The following GRID1 variants were observed in gnomAD, a reference collection of about 807,000 sequenced individuals.
The protein encoded by GRID1 is glutamate ionotropic receptor delta type subunit 1, also known as glutamate receptor ionotropic, delta-1.
Under a neutral mutation model 98.0 loss-of-function variants are expected in GRID1, and 28 were observed. That is an observed-to-expected ratio of 0.29 (90% confidence interval 0.21 to 0.39). The LOEUF is 0.39. GRID1 is among the 10% of genes least tolerant of loss of function. The pLI is 1.00. For missense variants in GRID1, 1,111 were observed against 1,340.5 expected, an observed-to-expected ratio of 0.83 and a Z score of 2.67; for synonymous variants, 553 against 538.5, an observed-to-expected ratio of 1.03 and a Z score of -0.37.
intron 3 of GRID1, among the ~76,000 whole-genome samples, chr10:86,143,695 A>G (rs991652356): frequency 6.6e-6 from 1 of 152,224 alleles, no homozygotes; most frequent in Admixed American, 6.5e-5. Flanking sequence ...AACCTGATCC[A>G]GAAAGGGCAT....
chr10:86,202,183 C>A (rs1845963217), intron 3 of GRID1, among the ~76,000 whole-genome samples: 1 of 152,260 alleles, frequency 6.6e-6, no homozygotes, highest in Non-Finnish European at 1.5e-5. Context: ...CCTGGAGATG[C>A]CCCTGGGCCC....
intron 8 of GRID1, among the ~76,000 whole-genome samples, chr10:85,795,943 A>G (rs1842522700): frequency 6.6e-6 from 1 of 152,212 alleles, no homozygotes; most frequent in Non-Finnish European, 1.5e-5. Flanking sequence ...AAGAGACAGA[A>G]AAAATGACAA....
intron 2 of GRID1, among the ~76,000 whole-genome samples, chr10:86,293,876 C>T (rs1847550847): frequency 6.6e-6 from 1 of 152,176 alleles, no homozygotes; most frequent in African/African-American, 2.4e-5. Flanking sequence ...TGTCTGTATT[C>T]TTGGAGCTAA....
chr10:85,726,515 C>A (rs1370708892), intron 10 of GRID1, among the ~76,000 whole-genome samples: 2 of 151,836 alleles, frequency 1.3e-5, no homozygotes, highest in Non-Finnish European at 2.9e-5. Context: ...TAGGATGCAA[C>A]AAAAAAATTA....
rs1330977946 is a variant in GRID1, at chr10:85,859,861, AC to A, written c.952-3672del. Among the ~76,000 whole-genome samples the A allele has an allele frequency of 7.9e-5, 12 of 152,140 alleles. No individual in the cohort carries two copies. In the East Asian group the frequency reaches 2.3e-3, roughly 29 times the overall value. On this transcript the variant is annotated intron_variant, in intron 6 of 15. Coordinates refer to ENST00000327946, the MANE Select transcript of GRID1 (RefSeq NM_017551.3). Reference sequence around the variant, plus strand: ...GGGTAGGAAAGGCCCTAACCTCACAACCTATTCAGAGAAGGGATTCTTGGAT... The same window carrying A: ...GGGTAGGAAAGGCCCTAACCTCACAACTATTCAGAGAAGGGATTCTTGGAT...
At chr10:85,862,830 A>C (rs1205469366) in intron 6 of GRID1, among the ~76,000 whole-genome samples, 2 of 152,204 alleles carry the variant, frequency 1.3e-5, no homozygotes, top group Non-Finnish European at 2.9e-5. Context: ...CACCAGTGAG[A>C]CTTTAAATTG....
chr10:86,179,405 G>A (rs1395914805), intron 3 of GRID1, among the ~76,000 whole-genome samples: 1 of 152,166 alleles, frequency 6.6e-6, no homozygotes, highest in Non-Finnish European at 1.5e-5. Context: ...GTGCCAGGCA[G>A]CTTCACTGAG....
rs1342586907 is a variant in GRID1, at chr10:86,126,882, G to A, written c.726+11937C>T. Among the ~76,000 whole-genome samples, 7 of 152,216 alleles carry A rather than the reference G, an allele frequency of 4.6e-5. No homozygotes were observed. The East Asian group carries it at 1.3e-3, about 29-fold the overall frequency. Reference sequence around the variant, plus strand: ...GGTGCCTGCAGCTGCAATACTCTCAGTTCTTACAGCCCACCTGCTGTCTGC... The same window carrying A: ...GGTGCCTGCAGCTGCAATACTCTCAATTCTTACAGCCCACCTGCTGTCTGC... On this transcript the variant is annotated intron_variant, in intron 4 of 15. Coordinates refer to ENST00000327946, the MANE Select transcript of GRID1 (RefSeq NM_017551.3).
At chr10:85,716,577 TAAAAA>T (rs992423372) in intron 12 of GRID1, among the ~76,000 whole-genome samples, 1 of 148,876 alleles carries the variant, frequency 6.7e-6, no homozygotes, top group Non-Finnish European at 1.5e-5. Context: ...TAAAATAAAA[TAAAAA>T]AGAAAATGTG....
intron 4 of GRID1, among the ~76,000 whole-genome samples, chr10:85,979,651 C>T (rs1316345238): frequency 6.6e-6 from 1 of 152,200 alleles, no homozygotes; most frequent in Non-Finnish European, 1.5e-5. Context: ...TTAATTTGAT[C>T]ATCTGCAAAG....
chr10:85,711,429 A>G (rs1841580865), intron 12 of GRID1, among the ~76,000 whole-genome samples: 1 of 151,968 alleles, frequency 6.6e-6, no homozygotes, highest in Non-Finnish European at 1.5e-5. Flanking sequence ...AGAGTAGTCA[A>G]ATTTATACAG....
chr10:85,617,523 A>G (rs2132518896), intron 14 of GRID1, among the ~76,000 whole-genome samples: 1 of 152,138 alleles, frequency 6.6e-6, no homozygotes, highest in Non-Finnish European at 1.5e-5. Context: ...CACCCAGCCC[A>G]ACAGAACCTT....
chr10:86,264,873 C>T, intron 2 of GRID1: 1 of 422,388 alleles, frequency 2.4e-6, no homozygotes, highest in Admixed American at 2.7e-5. Context: ...GCCAAATTCA[C>T]TCCTTGCTGA....
chr10:86,292,045 G>A (rs909996805), intron 2 of GRID1, among the ~76,000 whole-genome samples: 3 of 152,212 alleles, frequency 2.0e-5, no homozygotes, highest in Admixed American at 6.5e-5. Flanking sequence ...CTGGAAACCT[G>A]AGCAGAGGAG....
intron 2 of GRID1, among the ~76,000 whole-genome samples, chr10:86,299,326 T>C (rs1047167758): frequency 1.4e-5 from 1 of 73,136 alleles, no homozygotes; most frequent in African/African-American, 6.1e-5. Flanking sequence ...TCCTGTTCTC[T>C]ATTTCTTTTT....
chr10:86,281,480 T>C (rs1176974928), intron 2 of GRID1, among the ~76,000 whole-genome samples: 1 of 152,224 alleles, frequency 6.6e-6, no homozygotes, highest in Non-Finnish European at 1.5e-5. Context: ...TACCCTTCTC[T>C]CCTACCCACT....
intron 12 of GRID1, among the ~76,000 whole-genome samples, chr10:85,717,944 T>TCC (rs200940465): frequency 1.3e-5 from 2 of 151,418 alleles, no homozygotes; most frequent in African/African-American, 4.9e-5. Flanking sequence ...CAAAATGATC[T>TCC]TTGACTCCAG....
intron 2 of GRID1, among the ~76,000 whole-genome samples, chr10:86,314,784 C>T (rs1236467084): frequency 2.0e-5 from 3 of 152,162 alleles, no homozygotes; most frequent in African/African-American, 7.2e-5. Context: ...AGGCAGGGCC[C>T]GGAATCTGAG....
intron 6 of GRID1, among the ~76,000 whole-genome samples, chr10:85,859,809 C>A (rs539721419): frequency 1.3e-5 from 2 of 152,158 alleles, no homozygotes; most frequent in South Asian, 4.1e-4. Flanking sequence ...CTGACTTTAG[C>A]TGACAGTTCA....
Sources: gnomAD v4.1 joint callset for allele counts (sites outside exome capture counted in the v4.1 genomes callset) on GRCh38, gnomAD v4.1.1 for gene constraint, MANE v1.5 for transcripts, NCBI Gene and HGNC (gene_info 2026-07-23, HGNC 2026-07-21) for gene names.